Variants in SH3TC1 observed in about 807,000 individuals in gnomAD.
The protein encoded by SH3TC1 is SH3 domain and tetratricopeptide repeats 1.
Under a neutral mutation model 117.3 loss-of-function variants are expected in SH3TC1, and 135 were observed. The ratio of observed to expected loss-of-function variants is 1.15; its 90% CI spans 1.00 to 1.33. The LOEUF (loss-of-function observed/expected upper bound fraction) is 1.33, where lower values mean the gene tolerates loss of function less well. SH3TC1 is among the 40% of genes most tolerant of loss of function. The probability of loss-of-function intolerance (pLI) is 0.00; values close to 1 mark genes in which losing one functional copy is unlikely to be tolerated. For synonymous variants in SH3TC1, 898 were observed against 816.9 expected (o/e 1.10, Z -1.69); for missense variants, 2,092 against 1,794.3 (o/e 1.17, Z -3.00).
intron 1 of SH3TC1, among the ~76,000 whole-genome samples, chr4:8,191,446 C>A (rs538402893): frequency 2.6e-5 from 4 of 152,230 alleles, no homozygotes; most frequent in African/African-American, 4.8e-5. Context: ...CCCGTGTCCT[C>A]GTTTTGCAAA....
chr4:8,227,005 G>A lies in SH3TC1; in HGVS notation c.1311G>A (p.Leu437=), dbSNP rs1440287351. Residue 437 remains leucine (L), a synonymous_variant, in exon 12 of 18, where the codon CTG becomes CTA. Coordinates refer to ENST00000245105, the MANE Select transcript of SH3TC1 (RefSeq NM_018986.5). The part of the protein sequence containing the change: ...EKEIPPPCLS[L]EPQETLQKVK... ...AAATACCTCCACCTTGCCTGAGCCTGGAGCCACAGGAGACCTTGCAGAAGG... is the reference window on the plus strand; with the variant it reads ...AAATACCTCCACCTTGCCTGAGCCTAGAGCCACAGGAGACCTTGCAGAAGG... 1.0e-5 allele frequency: 16 copies of A among 1,556,828 alleles called. No individual in the cohort carries two copies. The highest frequency in any genetic ancestry group is 3.4e-4 in the Middle Eastern group (2 of 5,818).
At chr4:8,236,061 G>A (rs1177693333) in intron 15 of SH3TC1, 4 of 570,872 alleles carry the variant, frequency 7.0e-6, no homozygotes, top group African/African-American at 2.0e-5. Context: ...GGGAGGGGCT[G>A]GTTTGAGGCT....
At chr4:8,229,414 T>C (rs1437994871) in intron 12 of SH3TC1, among the ~76,000 whole-genome samples, 5 of 103,738 alleles carry the variant, frequency 4.8e-5, no homozygotes, top group Non-Finnish European at 9.7e-5. Flanking sequence ...CGAGTAGGGG[T>C]GAGTGAGTGG....
Position 8,227,701 on chromosome 4 carries a change from C to T in SH3TC1, c.2007C>T (p.Phe669=). The T allele has an allele frequency of 1.3e-6, 2 of 1,563,544 alleles. No homozygotes were observed. The highest frequency in any genetic ancestry group is 8.7e-7 in the Non-Finnish European group (1 of 1,152,590). The change falls in exon 12 of 18, where the codon TTC becomes TTT. Residue 669 remains phenylalanine (F), a synonymous_variant. Coordinates refer to ENST00000245105, the MANE Select transcript of SH3TC1 (RefSeq NM_018986.5). ...TGCAGGCCGAGGCCCGGGCCTGCTTCCTGCTGGCCAGGCACCACGTGCACC... is the reference window on the plus strand; with the variant it reads ...TGCAGGCCGAGGCCCGGGCCTGCTTTCTGCTGGCCAGGCACCACGTGCACC... ...QSLQAEARAC[F]LLARHHVHLK...
chr4:8,227,330 G>C lies in SH3TC1; in HGVS notation c.1636G>C (p.Ala546Pro). 6.2e-7 allele frequency: 1 copy of C among 1,606,204 alleles called. No homozygotes were observed. The change falls in exon 12 of 18, where the codon GCC (alanine) becomes CCC (proline). Residue 546 changes from alanine (A) to proline (P), a missense_variant. Transcript: ENST00000245105. Reference sequence around the variant, plus strand: ...GGAGCTGACTGGGCGCCTGGCACAGGCCCGGGGGGCGGCCAAGAAAGCTGG... The same window carrying C: ...GGAGCTGACTGGGCGCCTGGCACAGCCCCGGGGGGCGGCCAAGAAAGCTGG... ...EEELTGRLAQ[A>P]RGAAKKAGLL...
At chr4:8,223,062 GC>G (rs1720100901) in intron 10 of SH3TC1, 92 bp downstream of exon 10, 1 of 1,482,140 alleles carries the variant, frequency 6.7e-7, no homozygotes, top group African/African-American at 1.4e-5. Context: ...GATAGTGCCA[GC>G]CCCTGGATGC....
In SH3TC1 at chr4:8,188,204, C is replaced by T. The variant is rs752903529; in HGVS notation, c.-57+5994C>T. On this transcript the variant is annotated intron_variant, in intron 1 of 16. Transcript: ENST00000508641. ...GGGGCTGTGCAGTGCTCCCCTTTCC[C>T]AACCCCTCTGCAATGGCTGCTCTGG... 1.2e-4 allele frequency among the ~76,000 whole-genome samples: 19 copies of T among 152,306 alleles called. No homozygotes were observed. The East Asian group carries it at 2.5e-3, about 20-fold the overall frequency.
chr4:8,237,711 C>T (rs200248358), intron 17 of SH3TC1, 41 bp downstream of exon 17: 21 of 1,543,000 alleles, frequency 1.4e-5, no homozygotes, highest in Non-Finnish European at 1.8e-5. Flanking sequence ...TCCCGGCCCC[C>T]TTGGAGTGGG....
intron 10 of SH3TC1, among the ~76,000 whole-genome samples, chr4:8,223,631 CTTTTTT>C (rs761152183): frequency 7.3e-6 from 1 of 136,520 alleles, no homozygotes. Context: ...TACACACCCA[CTTTTTT>C]TTTTTTTTTT....
Position 8,228,168 on chromosome 4 carries a change from TG to T in SH3TC1, c.2476del (p.Asp826ThrfsTer39). ...GCTATTGCCGGAGTCCGTGCCATCG[TG>T]GACCACCTGGTGGCCCTGGCCTGGC... ...ASAIAGVRAI[V>X]DHLVALAWLH... On this transcript the variant is annotated frameshift_variant, in exon 12 of 18. Coordinates refer to ENST00000245105, the MANE Select transcript of SH3TC1 (RefSeq NM_018986.5). LOFTEE classifies it high-confidence loss of function. The T allele has an allele frequency of 6.2e-7, 1 of 1,611,704 alleles. No individual in the cohort carries two copies. Among genetic ancestry groups the T allele is most frequent in the Non-Finnish European group, 8.5e-7 (1 of 1,179,046 alleles).
chr4:8,198,103 C>T (rs1282692338), upstream of SH3TC1, among the ~76,000 whole-genome samples: 1 of 151,156 alleles, frequency 6.6e-6, no homozygotes, highest in Non-Finnish European at 1.5e-5. Context: ...ACAGGACAGC[C>T]CCCCGCCCTG....
At chr4:8,217,238 G>A (rs1339417240) in intron 7 of SH3TC1, 71 bp downstream of exon 7, 3 of 1,532,370 alleles carry the variant, frequency 2.0e-6, no homozygotes, top group East Asian at 2.4e-5. Flanking sequence ...GTCATCTGGA[G>A]GTCAAGGGGA....
At chr4:8,232,985 G>A in intron 13 of SH3TC1, 1 of 1,196,712 alleles carries the variant, frequency 8.4e-7, no homozygotes, top group South Asian at 1.6e-5. Flanking sequence ...AAGCTATATG[G>A]ACAGGCCTCT....
At chr4:8,233,618 T>C in intron 14 of SH3TC1, 105 bp downstream of exon 14, 1 of 1,339,856 alleles carries the variant, frequency 7.5e-7, no homozygotes, top group South Asian at 1.6e-5. Context: ...ATCTATCCAT[T>C]TACCTGTTCA....
rs376880803 is a variant in SH3TC1, at chr4:8,228,619, C to A, written c.2925C>A (p.Val975=). The A allele has an allele frequency of 2.0e-6, 3 of 1,522,452 alleles. No homozygotes were observed. The highest frequency in any genetic ancestry group is 2.6e-6 in the Non-Finnish European group (3 of 1,137,620). 94.3% of individuals were successfully genotyped at this position (1,522,452 alleles called of 1,614,324 possible). ...GCTACTACGAGTGGGCCCTTCTGGT[C>A]GCCGTGGAGATGGGCCACGTGGAGA... ...GKGYYEWALL[V]AVEMGHVESQ... Residue 975 remains valine (V), a synonymous_variant, in exon 12 of 18, where the codon GTC becomes GTA. Coordinates refer to ENST00000245105, the MANE Select transcript of SH3TC1 (RefSeq NM_018986.5).
chr4:8,207,097 ATT>A (rs1718276951), intron 2 of SH3TC1, among the ~76,000 whole-genome samples: 1 of 136,234 alleles, frequency 7.3e-6, no homozygotes, highest in Non-Finnish European at 1.6e-5. Context: ...AAAAAAAAAA[ATT>A]CCTGGGTCAC....
chr4:8,217,092 C>T lies in SH3TC1; in HGVS notation c.764C>T (p.Ser255Leu). The T allele has an allele frequency of 6.2e-7, 1 of 1,612,612 alleles. No homozygotes were observed. The highest frequency in any genetic ancestry group is 8.5e-7 in the Non-Finnish European group (1 of 1,179,610). The change falls in exon 7 of 18, where the codon TCA (serine) becomes TTA (leucine). Residue 255 changes from serine to leucine, a missense_variant. Transcript: ENST00000245105. ...GAGGCGGCCCCGGAAACAGACTCTT[C>T]ACCGCCGAGCCCCAGCGTGTCCTCC... ...QGEAAPETDS[S>L]PPSPSVSSEE...
chr4:8,185,354 C>G (rs762670470), intron 1 of SH3TC1, among the ~76,000 whole-genome samples: 1 of 151,818 alleles, frequency 6.6e-6, no homozygotes, highest in Non-Finnish European at 1.5e-5. Context: ...ACAAAAAAAG[C>G]GCACACATTA....
At chr4:8,203,794 G>A (rs1484648495) in intron 1 of SH3TC1, among the ~76,000 whole-genome samples, 1 of 152,100 alleles carries the variant, frequency 6.6e-6, no homozygotes, top group Non-Finnish European at 1.5e-5. Context: ...GATGTCCAGG[G>A]CCTCCTGCCT....
Sources: allele counts gnomAD v4.1 joint callset (sites outside exome capture counted in the v4.1 genomes callset), GRCh38; gene constraint gnomAD v4.1.1; transcripts MANE v1.5; gene names NCBI Gene and HGNC (gene_info 2026-07-23, HGNC 2026-07-21).